ADGRL3: variants seen among roughly 807,000 people sequenced by gnomAD.
The protein encoded by ADGRL3 is adhesion G protein-coupled receptor L3, also known as calcium-independent alpha-latrotoxin receptor 3.
Under a neutral mutation model 153.5 loss-of-function variants are expected in ADGRL3, and 62 were observed. That is an observed-to-expected ratio of 0.40 (90% CI 0.33 to 0.50). The LOEUF (loss-of-function observed/expected upper bound fraction) is 0.50, where lower values mean the gene tolerates loss of function less well. ADGRL3 is among the 20% of genes least tolerant of loss of function. The pLI is 0.47. For missense variants in ADGRL3, 1,641 were observed against 1,859.4 expected (o/e 0.88, Z 2.16); for synonymous variants, 710 against 672.5 (o/e 1.06, Z -0.86).
intron 1 of ADGRL3, among the ~76,000 whole-genome samples, chr4:61,372,146 A>C (rs1334109936): frequency 6.6e-6 from 1 of 151,864 alleles, no homozygotes; most frequent in African/African-American, 2.4e-5. Context: ...TTTTTTTGAA[A>C]GTTTTCAACT....
At chr4:61,270,491 G>A (rs2149772871) in intron 1 of ADGRL3, among the ~76,000 whole-genome samples, 1 of 151,792 alleles carries the variant, frequency 6.6e-6, no homozygotes, top group South Asian at 2.1e-4. Flanking sequence ...TTTGAAATTA[G>A]ACATTTCCTG....
intron 2 of ADGRL3, among the ~76,000 whole-genome samples, chr4:61,438,314 C>T (rs1578858905): frequency 6.6e-6 from 1 of 151,028 alleles, no homozygotes; most frequent in East Asian, 1.9e-4. Flanking sequence ...TCACATTAAC[C>T]TGTTGTATCT....
rs115740120 is a variant in ADGRL3 at position 61,349,181 on chromosome 4, T to C, written c.-239-33943T>C. On this transcript the variant is annotated intron_variant, in intron 1 of 26. Transcript: ENST00000683033. ...AAATTGGCAGGACTAGTTTTAAAAA[T>C]AACAGAACATTTTGAATCTTGTGAA... 1.9e-3 allele frequency among the ~76,000 whole-genome samples: 283 copies of C among 152,164 alleles called. 1 individual carries two copies. Among genetic ancestry groups the C allele is most frequent in the African/African-American group, 6.6e-3 (276 of 41,574 alleles).
At chr4:61,587,548 CA>C in intron 5 of ADGRL3, 108 bp downstream of exon 5, 1 of 834,638 alleles carries the variant, frequency 1.2e-6, no homozygotes, top group Non-Finnish European at 1.8e-6. Flanking sequence ...TATTTTAGGA[CA>C]CTTCAAAATA....
intron 1 of ADGRL3, among the ~76,000 whole-genome samples, chr4:61,368,186 T>C (rs2096445294): frequency 6.6e-6 from 1 of 152,092 alleles, no homozygotes; most frequent in Non-Finnish European, 1.5e-5. Context: ...ATTTTGTAAG[T>C]TGCCTGTTCA....
At chr4:61,720,282 G>A (rs558640958) in intron 6 of ADGRL3, among the ~76,000 whole-genome samples, 6 of 151,498 alleles carry the variant, frequency 4.0e-5, no homozygotes, top group Non-Finnish European at 7.4e-5. Context: ...TAGAGATGGG[G>A]TTTCACCATA....
chr4:61,261,300 G>T (rs1015335804), intron 1 of ADGRL3, among the ~76,000 whole-genome samples: 1 of 150,940 alleles, frequency 6.6e-6, no homozygotes, highest in African/African-American at 2.4e-5. Flanking sequence ...CCAAAGTTCT[G>T]GGAGTACAGG....
intron 9 of ADGRL3, among the ~76,000 whole-genome samples, chr4:61,885,783 G>T (rs115371948): frequency 2.0e-5 from 3 of 152,148 alleles, no homozygotes; most frequent in South Asian, 2.1e-4. Flanking sequence ...ATGTAAGCTC[G>T]GGGGAATTAT....
intron 19 of ADGRL3, among the ~76,000 whole-genome samples, chr4:61,993,038 A>T (rs1399839797): frequency 6.6e-6 from 1 of 152,100 alleles, no homozygotes; most frequent in Non-Finnish European, 1.5e-5. Context: ...TTTAGTTCTC[A>T]GATTAGCTTT....
At chr4:61,493,545 A>G (rs1291906330) in intron 2 of ADGRL3, among the ~76,000 whole-genome samples, 1 of 152,226 alleles carries the variant, frequency 6.6e-6, no homozygotes, top group Non-Finnish European at 1.5e-5. Flanking sequence ...AGAGTTAACA[A>G]TAGCAATACT....
chr4:61,430,773 T>C (rs2097346819), intron 2 of ADGRL3, among the ~76,000 whole-genome samples: 1 of 152,190 alleles, frequency 6.6e-6, no homozygotes, highest in Admixed American at 6.5e-5. Context: ...AATTCACCAC[T>C]AAATGACTAT....
At chr4:61,204,918 C>T (rs1736436993) in intron 1 of ADGRL3, among the ~76,000 whole-genome samples, 1 of 152,226 alleles carries the variant, frequency 6.6e-6, no homozygotes, top group Admixed American at 6.5e-5. Flanking sequence ...AATGGAAAGT[C>T]TTTCAGAAAT....
At chr4:61,739,994 A>G (rs560613293) in intron 8 of ADGRL3, among the ~76,000 whole-genome samples, 1 of 152,338 alleles carries the variant, frequency 6.6e-6, no homozygotes, top group South Asian at 2.1e-4. Context: ...TTAGAAATGC[A>G]TAATAGTTGT....
chr4:61,311,038 A>G (rs943262900), intron 1 of ADGRL3, among the ~76,000 whole-genome samples: 6 of 149,548 alleles, frequency 4.0e-5, no homozygotes, highest in Non-Finnish European at 7.5e-5. Flanking sequence ...CCAAATTTCA[A>G]CTCTAGGAAA....
intron 5 of ADGRL3, among the ~76,000 whole-genome samples, chr4:61,658,698 C>T (rs1423470932): frequency 6.6e-6 from 1 of 152,082 alleles, no homozygotes; most frequent in Non-Finnish European, 1.5e-5. Flanking sequence ...CACTACGTTA[C>T]CATCCTGTGT....
At chr4:61,954,953 C>T (rs2098960718) in intron 17 of ADGRL3, among the ~76,000 whole-genome samples, 1 of 152,094 alleles carries the variant, frequency 6.6e-6, no homozygotes, top group African/African-American at 2.4e-5. Context: ...CTGGGGTGCT[C>T]AGAGAGATTT....
chr4:62,043,291 T>C (rs1225548122), intron 24 of ADGRL3, among the ~76,000 whole-genome samples: 2 of 152,218 alleles, frequency 1.3e-5, no homozygotes, highest in East Asian at 3.9e-4. Flanking sequence ...AAGTTAGTAT[T>C]TGGCAGGCAA....
At chr4:61,644,909 T>C (rs527337001) in intron 5 of ADGRL3, among the ~76,000 whole-genome samples, 5 of 151,984 alleles carry the variant, frequency 3.3e-5, no homozygotes, top group African/African-American at 1.2e-4. Flanking sequence ...ATTATTAATG[T>C]GTGGGAGTCT....
At chr4:61,209,544 A>G (rs949898943) in intron 1 of ADGRL3, among the ~76,000 whole-genome samples, 1 of 152,140 alleles carries the variant, frequency 6.6e-6, no homozygotes, top group African/African-American at 2.4e-5. Context: ...AGGAAAATCA[A>G]TAGCATTTTC....
Sources: gnomAD v4.1 joint callset for allele counts (sites outside exome capture counted in the v4.1 genomes callset) on GRCh38, gnomAD v4.1.1 for gene constraint, MANE v1.5 for transcripts, NCBI Gene and HGNC (gene_info 2026-07-23, HGNC 2026-07-21) for gene names.